The following ALOX5AP variants were observed in gnomAD, a reference collection of about 807,000 sequenced individuals.
ALOX5AP encodes arachidonate 5-lipoxygenase-activating protein.
In ALOX5AP, 9 loss-of-function variants were observed where a neutral mutation model predicts 18.5. The observed-to-expected ratio is 0.49, with a 90% CI of 0.29 to 0.85. The LOEUF is 0.85. Among genes scored for constraint, ALOX5AP ranks in the 40% least tolerant of loss-of-function variants. The pLI is 0.08. For missense variants in ALOX5AP, 172 were observed against 202.5 expected, an observed-to-expected ratio of 0.85 and a Z score of 0.91; for synonymous variants, 81 against 78.6, an observed-to-expected ratio of 1.03 and a Z score of -0.16.
At chr13:30,749,875 T>C (rs1455394382) in intron 2 of ALOX5AP, among the ~76,000 whole-genome samples, 1 of 152,196 alleles carries the variant, frequency 6.6e-6, no homozygotes, top group Non-Finnish European at 1.5e-5. Context: ...TCTCTCTGGG[T>C]TCTCTGCAGG....
intron 1 of ALOX5AP, among the ~76,000 whole-genome samples, chr13:30,727,768 T>C (rs1335924719): frequency 6.6e-6 from 1 of 152,188 alleles, no homozygotes; most frequent in East Asian, 1.9e-4. Flanking sequence ...TGGGGCTTCA[T>C]GTTGGTGAGT....
intron 1 of ALOX5AP, among the ~76,000 whole-genome samples, chr13:30,729,576 A>T (rs372507096): frequency 6.5e-5 from 9 of 137,632 alleles, no homozygotes; most frequent in South Asian, 4.5e-4. Context: ...TCTAACCTGT[A>T]TTTTTTTTTT....
intron 1 of ALOX5AP, among the ~76,000 whole-genome samples, chr13:30,716,951 G>C (rs549546371): frequency 1.3e-5 from 2 of 152,236 alleles, no homozygotes; most frequent in Non-Finnish European, 2.9e-5. Flanking sequence ...CACTCTCCTG[G>C]CATTGATGTG....
At chr13:30,745,957 A>G (rs920224936) in intron 2 of ALOX5AP, among the ~76,000 whole-genome samples, 1 of 152,258 alleles carries the variant, frequency 6.6e-6, no homozygotes, top group African/African-American at 2.4e-5. Flanking sequence ...TGGAGAAGTT[A>G]TGGTGCAATT....
chr13:30,714,003 T>G (rs1055581323), intron 1 of ALOX5AP, among the ~76,000 whole-genome samples: 1 of 152,166 alleles, frequency 6.6e-6, no homozygotes, highest in Non-Finnish European at 1.5e-5. Flanking sequence ...TATATCAAAC[T>G]CTACCTGTTT....
intron 2 of ALOX5AP, among the ~76,000 whole-genome samples, chr13:30,745,252 G>A (rs888858596): frequency 2.0e-5 from 3 of 152,184 alleles, no homozygotes; most frequent in Non-Finnish European, 4.4e-5. Flanking sequence ...GTGAGGTGTA[G>A]GCATGAGGGG....
chr13:30,720,026 T>A (rs961374917), intron 1 of ALOX5AP, among the ~76,000 whole-genome samples: 3 of 152,132 alleles, frequency 2.0e-5, no homozygotes, highest in African/African-American at 7.2e-5. Context: ...CACGCCCAGA[T>A]AATTTTCGTA....
At chr13:30,762,971 C>T (rs963696258) in intron 4 of ALOX5AP, among the ~76,000 whole-genome samples, 1 of 152,156 alleles carries the variant, frequency 6.6e-6, no homozygotes, top group Non-Finnish European at 1.5e-5. Flanking sequence ...CTGGGGGATG[C>T]AGTTTAGGAT....
At chr13:30,738,945 C>G (rs1295469118) in intron 1 of ALOX5AP, among the ~76,000 whole-genome samples, 1 of 152,148 alleles carries the variant, frequency 6.6e-6, no homozygotes, top group Non-Finnish European at 1.5e-5. Flanking sequence ...CACACACACA[C>G]ACACTCACAA....
intron 1 of ALOX5AP, among the ~76,000 whole-genome samples, chr13:30,743,771 C>T (rs1037587352): frequency 6.6e-6 from 1 of 152,078 alleles, no homozygotes; most frequent in East Asian, 1.9e-4. Context: ...GCATGACTCA[C>T]TTTGCTGTGT....
intron 2 of ALOX5AP, among the ~76,000 whole-genome samples, chr13:30,746,658 G>T (rs926225409): frequency 6.6e-6 from 1 of 152,240 alleles, no homozygotes; most frequent in African/African-American, 2.4e-5. Context: ...TTCTCCAGGG[G>T]CATCCAAGAG....
rs1029851205 is a variant in ALOX5AP at position 30,758,977 on chromosome 13, C to T, written c.323+2952C>T. On this transcript the variant is annotated intron_variant, in intron 4 of 4. Coordinates refer to ENST00000380490, the MANE Select transcript of ALOX5AP (RefSeq NM_001629.4). ...AGACTACAGGTGTGCACTACCACAC[C>T]CAGCTAATTTTTTGTATTTTTAGTA... Among the ~76,000 whole-genome samples, 3 of 152,028 alleles carry T rather than the reference C, an allele frequency of 2.0e-5. No homozygotes were observed. In the South Asian group the frequency reaches 6.2e-4, roughly 32 times the overall value.
intron 1 of ALOX5AP, among the ~76,000 whole-genome samples, chr13:30,742,169 A>T (rs1382709448): frequency 6.6e-6 from 1 of 152,048 alleles, no homozygotes; most frequent in Admixed American, 6.5e-5. Flanking sequence ...TACAAAAATT[A>T]GCCGGGCGTG....
intron 3 of ALOX5AP, among the ~76,000 whole-genome samples, chr13:30,753,775 G>A (rs1951870700): frequency 1.3e-5 from 2 of 152,166 alleles, no homozygotes; most frequent in Admixed American, 6.5e-5. Context: ...CTTGCACAGG[G>A]GTATGAGTGT....
At chr13:30,737,953 A>G (rs1485836354) in intron 1 of ALOX5AP, among the ~76,000 whole-genome samples, 1 of 152,194 alleles carries the variant, frequency 6.6e-6, no homozygotes, top group Non-Finnish European at 1.5e-5. Flanking sequence ...TCTCTTTGCA[A>G]TTCTAATTAA....
At chr13:30,741,225 C>T (rs1951761369) in intron 1 of ALOX5AP, among the ~76,000 whole-genome samples, 1 of 143,470 alleles carries the variant, frequency 7.0e-6, no homozygotes, top group South Asian at 2.2e-4. Flanking sequence ...CGGGTTCATG[C>T]CATTCTCCTG....
intron 3 of ALOX5AP, among the ~76,000 whole-genome samples, chr13:30,752,892 T>C (rs900396164): frequency 1.3e-5 from 2 of 152,250 alleles, no homozygotes; most frequent in Admixed American, 1.3e-4. Flanking sequence ...ATAAAGTAAC[T>C]TGGGTACAGC....
intron 3 of ALOX5AP, among the ~76,000 whole-genome samples, chr13:30,753,364 C>T (rs1251500454): frequency 1.3e-5 from 2 of 152,214 alleles, no homozygotes; most frequent in African/African-American, 4.8e-5. Flanking sequence ...TCAAACTATG[C>T]TCTTACTAGG....
chr13:30,753,563 C>T (rs772509339), intron 3 of ALOX5AP, among the ~76,000 whole-genome samples: 1 of 152,172 alleles, frequency 6.6e-6, no homozygotes, highest in Non-Finnish European at 1.5e-5. Context: ...ATCGTCATTT[C>T]TTAGGAATAA....
Sources: allele counts gnomAD v4.1 joint callset (sites outside exome capture counted in the v4.1 genomes callset), GRCh38; gene constraint gnomAD v4.1.1; transcripts MANE v1.5; gene names NCBI Gene and HGNC (gene_info 2026-07-23, HGNC 2026-07-21).